Variants in CPEB4 observed in about 807,000 individuals in gnomAD.
CPEB4 encodes cytoplasmic polyadenylation element-binding protein 4.
In CPEB4, 12 loss-of-function variants were observed where a neutral mutation model predicts 72.5. The ratio of observed to expected loss-of-function variants is 0.17; its 90% CI spans 0.11 to 0.27. The LOEUF is 0.27. CPEB4 is among the 10% of genes least tolerant of loss of function. The pLI is 1.00. For missense variants in CPEB4, 614 were observed against 908.5 expected, an observed-to-expected ratio of 0.68 and a Z score of 4.17; for synonymous variants, 302 against 326.3, an observed-to-expected ratio of 0.93 and a Z score of 0.80.
At chr5:173,908,274 A>G (rs1156515559) in intron 1 of CPEB4, among the ~76,000 whole-genome samples, 2 of 152,174 alleles carry the variant, frequency 1.3e-5, no homozygotes, top group Non-Finnish European at 2.9e-5. Flanking sequence ...CTGCCTCTCT[A>G]TAGATAGATC....
chr5:173,955,809 C>T lies in CPEB4; in HGVS notation c.1963-101C>T. 1.1e-6 allele frequency: 1 copy of T among 950,756 alleles called. No individual in the cohort carries two copies. 58.9% of individuals were successfully genotyped at this position (950,756 alleles called of 1,614,324 possible). A position where few individuals can be genotyped will look rare whatever the true frequency, so the allele number is the denominator to read the frequency against. On this transcript the variant is annotated intron_variant, in intron 9 of 9. Coordinates refer to ENST00000265085, the MANE Select transcript of CPEB4 (RefSeq NM_030627.4). This position sits in a 1 kb window ranked among gnomAD's most constrained non-coding sequence, Gnocchi z 4.7. ...TAATTAGTCCTTCCTCTTTGGGCAC[C>T]TTGGAACAGATTCATTCAGATAGTG...
intron 2 of CPEB4, among the ~76,000 whole-genome samples, chr5:173,914,553 C>T (rs958746284): frequency 4.6e-5 from 7 of 152,072 alleles, no homozygotes; most frequent in East Asian, 1.9e-4. Flanking sequence ...GTCAGGAGTT[C>T]GAGACCAGCC....
chr5:173,919,531 AT>A (rs1561616693), intron 2 of CPEB4, among the ~76,000 whole-genome samples: 5 of 152,192 alleles, frequency 3.3e-5, no homozygotes, highest in Non-Finnish European at 7.3e-5. Flanking sequence ...CTATAATAAA[AT>A]TCTATAGAGG....
intron 2 of CPEB4, among the ~76,000 whole-genome samples, chr5:173,930,188 G>A (rs959759656): frequency 1.3e-5 from 2 of 152,022 alleles, no homozygotes; most frequent in Admixed American, 1.3e-4. Context: ...CCCAGTAGCT[G>A]GGTTGATTAC....
chr5:173,896,862 C>A (rs1314378602), intron 1 of CPEB4, among the ~76,000 whole-genome samples: 1 of 152,124 alleles, frequency 6.6e-6, no homozygotes, highest in South Asian at 2.1e-4. Flanking sequence ...GAATTTGAGA[C>A]CAGGCCTGGG....
At chr5:173,902,659 A>G (rs1756278607) in intron 1 of CPEB4, among the ~76,000 whole-genome samples, 1 of 152,154 alleles carries the variant, frequency 6.6e-6, no homozygotes, top group African/African-American at 2.4e-5. Flanking sequence ...AAATAAGCAT[A>G]CTTTTAAACA....
chr5:173,916,855 G>A (rs1280608377), intron 2 of CPEB4, among the ~76,000 whole-genome samples: 1 of 152,208 alleles, frequency 6.6e-6, no homozygotes, highest in Non-Finnish European at 1.5e-5. Flanking sequence ...TTGTAAGAGA[G>A]TGGCTGTGGG....
intron 1 of CPEB4, among the ~76,000 whole-genome samples, chr5:173,910,208 A>AT (rs879913346): frequency 0.016 from 2,407 of 147,738 alleles, 62 homozygotes; most frequent in African/African-American, 0.054. Flanking sequence ...ATGGGAAAGA[A>AT]TTTTTTTTTT....
In CPEB4 at chr5:173,905,247, C is replaced by T. The variant is rs559440529; in HGVS notation, c.1126-5276C>T. Reference sequence around the variant, plus strand: ...TAATCTATCTGAAAGCAGCACACTTCACTCTTCTGTCCCCCAGCAAATTTT... The same window carrying T: ...TAATCTATCTGAAAGCAGCACACTTTACTCTTCTGTCCCCCAGCAAATTTT... On this transcript the variant is annotated intron_variant, in intron 1 of 9. Transcript: ENST00000265085. Among the ~76,000 whole-genome samples the T allele has an allele frequency of 3.3e-4, 50 of 151,956 alleles. 1 individual carries two copies. The highest frequency in any genetic ancestry group is 2.3e-3 in the South Asian group (11 of 4,810).
intron 2 of CPEB4, among the ~76,000 whole-genome samples, chr5:173,916,233 T>G (rs1581130005): frequency 1.3e-5 from 2 of 152,206 alleles, no homozygotes; most frequent in Non-Finnish European, 2.9e-5. Context: ...GAAAATGGAG[T>G]CTTTTTCTCT....
chr5:173,898,967 G>A (rs1347828660), intron 1 of CPEB4, among the ~76,000 whole-genome samples: 1 of 152,162 alleles, frequency 6.6e-6, no homozygotes, highest in African/African-American at 2.4e-5. Context: ...CACCTGGCCT[G>A]AACTTAATTT....
chr5:173,949,990 G>C lies in CPEB4; in HGVS notation c.1577G>C (p.Ser526Thr). ...GYAFLLFQDE[S>T]SVQALIDACI... ...GCATTCCTGCTGTTTCAAGATGAAA[G>C]CTCTGTGCAGGCTCTCATTGATGCA... Residue 526 changes from serine to threonine, a missense_variant, in exon 7 of 10, where the codon AGC becomes ACC. Ser to Thr is a moderately conservative substitution (Grantham distance 58). Transcript: ENST00000265085. 1 of 1,610,764 alleles carries C rather than the reference G, an allele frequency of 6.2e-7. No homozygotes were observed. Among genetic ancestry groups the C allele is most frequent in the Non-Finnish European group, 8.5e-7 (1 of 1,178,764 alleles).
Position 173,951,815 on chromosome 5 carries a change from A to C in CPEB4, c.1666-9A>C. 6.3e-7 allele frequency: 1 copy of C among 1,580,228 alleles called. No individual in the cohort carries two copies. Among genetic ancestry groups the C allele is most frequent in the South Asian group, 1.1e-5 (1 of 90,406 alleles). ...GAGAATGAGACATTTTGGTTTGTAC[A>C]TTCCCTAGGTCCAGATTCGGCCTTG... On this transcript the variant is annotated splice_polypyrimidine_tract_variant and intron_variant, in intron 7 of 9. Transcript: ENST00000265085.
Position 173,961,551 on chromosome 5 carries a change from A to G in CPEB4, c.*5414A>G, listed in dbSNP as rs565114800. 3.3e-5 allele frequency: 5 copies of G among 152,300 alleles called. No homozygotes were observed. Among genetic ancestry groups the G allele is most frequent in the East Asian group, 1.9e-4 (1 of 5,194 alleles). The allele number at this position is 152,300 out of a possible 1,614,324, so 9.4% of individuals were successfully genotyped here. A position where few individuals can be genotyped will look rare whatever the true frequency, so the allele number is the denominator to read the frequency against. Reference sequence around the variant, plus strand: ...ACTGATTGCCTAAACCTACCCAACGAGGAAAATTCTTTTTATTTTTATCTT... The same window carrying G: ...ACTGATTGCCTAAACCTACCCAACGGGGAAAATTCTTTTTATTTTTATCTT... On this transcript the variant is annotated 3_prime_UTR_variant, in exon 10 of 10. Coordinates refer to ENST00000265085, the MANE Select transcript of CPEB4 (RefSeq NM_030627.4).
At position 173,890,064 on chromosome 5, in the gene CPEB4, G is replaced by A; in HGVS notation, c.331G>A (p.Glu111Lys). The part of the protein sequence containing the change: ...GQEAGILPET[E>K]KAKSEENQGD... ...GGAAGCTGGAATACTGCCTGAAACA[G>A]AGAAGGCAAAATCAGAAGAAAATCA... is the stretch of plus-strand genomic sequence containing the variant. Residue 111 changes from glutamate to lysine, a missense_variant, in exon 1 of 10, where the codon GAG becomes AAG. Glu to Lys is a moderately conservative substitution (Grantham distance 56). Coordinates refer to ENST00000265085, the MANE Select transcript of CPEB4 (RefSeq NM_030627.4). 6.2e-7 allele frequency: 1 copy of A among 1,614,128 alleles called. No homozygotes were observed. The highest frequency in any genetic ancestry group is 8.5e-7 in the Non-Finnish European group (1 of 1,180,014).
intron 2 of CPEB4, among the ~76,000 whole-genome samples, chr5:173,922,837 A>G (rs1484803): frequency 0.22 from 33,787 of 152,174 alleles, 4,970 homozygotes; most frequent in Non-Finnish European, 0.31. Flanking sequence ...CATTCATACA[A>G]CAAATATACA....
At chr5:173,910,804 A>T (rs1410777309) in intron 2 of CPEB4, 200 bp downstream of exon 2, 1 of 531,622 alleles carries the variant, frequency 1.9e-6, no homozygotes, top group Non-Finnish European at 3.3e-6. Flanking sequence ...TCGTGATACC[A>T]GGTAAGAGTA....
At position 173,889,629 on chromosome 5, in the gene CPEB4, TCAAG is replaced by T; in HGVS notation, c.-93_-90del. ...TTGAGCTAGCTATAAATAAGACATTTCAAGCAAGCAAGCAAACAACTTAAATTTG... is the reference window on the plus strand; with the variant it reads ...TTGAGCTAGCTATAAATAAGACATTTCAAGCAAGCAAACAACTTAAATTTG... On this transcript the variant is annotated 5_prime_UTR_variant, in exon 1 of 10. Transcript: ENST00000265085. 2 of 979,514 alleles carry T rather than the reference TCAAG, an allele frequency of 2.0e-6. No individual in the cohort carries two copies. Among genetic ancestry groups the T allele is most frequent in the East Asian group, 4.8e-5 (2 of 41,364 alleles). 60.7% of individuals were successfully genotyped at this position (979,514 alleles called of 1,614,324 possible). A position where few individuals can be genotyped will look rare whatever the true frequency, so the allele number is the denominator to read the frequency against.
intron 9 of CPEB4, chr5:173,953,529 C>G: frequency 2.5e-6 from 1 of 401,498 alleles, no homozygotes; most frequent in Non-Finnish European, 4.4e-6. Context: ...CAATCTCAAT[C>G]CATCCGTCCA....
Sources: gnomAD v4.1 joint callset for allele counts (sites outside exome capture counted in the v4.1 genomes callset) on GRCh38, gnomAD v4.1.1 for gene constraint, Gnocchi (gnomAD v3.1) non-coding constraint, MANE v1.5 for transcripts, NCBI Gene and HGNC (gene_info 2026-07-23, HGNC 2026-07-21) for gene names.